The following ZBTB20 variants were observed in gnomAD, a reference collection of about 807,000 sequenced individuals.
ZBTB20 encodes the protein zinc finger and BTB domain-containing protein 20.
ZBTB20 carries 9 observed loss-of-function variants against 56.9 expected under a neutral mutation model. The ratio of observed to expected loss-of-function variants is 0.16; its 90% CI spans 0.10 to 0.28. ZBTB20 has a LOEUF of 0.28. Among genes scored for constraint, ZBTB20 ranks in the 10% least tolerant of loss-of-function variants. ZBTB20 has a pLI of 1.00. For missense variants in ZBTB20, 655 were observed against 1,003.0 expected (o/e 0.65, Z 4.69); for synonymous variants, 417 against 420.7 (o/e 0.99, Z 0.11).
In ZBTB20 at chr3:114,322,442, T is replaced by A. The variant is rs1406135996; in HGVS notation, c.*16563A>T. The A allele has an allele frequency of 1.3e-5, 2 of 152,216 alleles. No homozygotes were observed. Among genetic ancestry groups the A allele is most frequent in the Admixed American group, 6.5e-5 (1 of 15,276 alleles). The allele number at this position is 152,216 out of a possible 1,614,324, so 9.4% of individuals were successfully genotyped here. A position where few individuals can be genotyped will look rare whatever the true frequency, so the allele number is the denominator to read the frequency against. The stretch of plus-strand genomic sequence containing the variant: ...ACCAAAGCATATCCCTTGAGCCTGT[T>A]GTAGTACTTTTTTCTGGGAGAGAGG... On this transcript the variant is annotated 3_prime_UTR_variant, in exon 12 of 12. Transcript: ENST00000675478.
rs1004105025 is a variant in ZBTB20 at position 114,328,296 on chromosome 3, T to C, written c.*10709A>G. On this transcript the variant is annotated 3_prime_UTR_variant, in exon 12 of 12. Transcript: ENST00000675478. ...TTTTCCTACAATGTGTTCAAGTGGA[T>C]GTGGCTTTTCTTGTTTGAGAAGAGC... 9.2e-5 allele frequency: 14 copies of C among 152,294 alleles called. No individual in the cohort carries two copies. The highest frequency in any genetic ancestry group is 3.4e-4 in the African/African-American group (14 of 41,566). The allele number at this position is 152,294 out of a possible 1,614,324, so 9.4% of individuals were successfully genotyped here.
At chr3:115,107,632 C>G (rs538441478) in intron 1 of ZBTB20, among the ~76,000 whole-genome samples, 102 of 152,276 alleles carry the variant, frequency 6.7e-4, no homozygotes, top group Admixed American at 1.2e-3. Context: ...ACCCCACAAT[C>G]CCATTACTGG....
intron 7 of ZBTB20, among the ~76,000 whole-genome samples, chr3:114,442,119 G>A (rs926094036): frequency 6.6e-6 from 1 of 152,006 alleles, no homozygotes; most frequent in Non-Finnish European, 1.5e-5. Flanking sequence ...GGAGGGAAAT[G>A]TCAGTTTCCC....
chr3:114,519,469 G>GA (rs149345598), intron 6 of ZBTB20, among the ~76,000 whole-genome samples: 3,701 of 152,244 alleles, frequency 0.024, 155 homozygotes, highest in African/African-American at 0.084. Context: ...TGCCTTTAGA[G>GA]AGACTGGGCT....
chr3:114,528,349 T>C (rs2047464931), intron 6 of ZBTB20, among the ~76,000 whole-genome samples: 1 of 152,212 alleles, frequency 6.6e-6, no homozygotes, highest in African/African-American at 2.4e-5. Context: ...GGTAAACATG[T>C]TGATTTCATC....
intron 7 of ZBTB20, among the ~76,000 whole-genome samples, chr3:114,486,874 C>T (rs1266050685): frequency 6.6e-6 from 1 of 152,104 alleles, no homozygotes; most frequent in Non-Finnish European, 1.5e-5. Context: ...TGAAATGATT[C>T]TCTGGAGCAT....
At chr3:114,950,161 A>T (rs1381798864) in intron 3 of ZBTB20, among the ~76,000 whole-genome samples, 1 of 152,134 alleles carries the variant, frequency 6.6e-6, no homozygotes, top group African/African-American at 2.4e-5. Flanking sequence ...ATCCATGGGG[A>T]ATACACTCCA....
chr3:114,587,070 C>T (rs2055253751), intron 6 of ZBTB20, among the ~76,000 whole-genome samples: 1 of 138,224 alleles, frequency 7.2e-6, no homozygotes, highest in Non-Finnish European at 1.5e-5. Flanking sequence ...GATCTTGGCT[C>T]ACGGCAACCT....
Position 114,332,634 on chromosome 3 carries a change from A to G in ZBTB20, c.*6371T>C, listed in dbSNP as rs771790760. 3.3e-5 allele frequency: 5 copies of G among 152,234 alleles called. No individual in the cohort carries two copies. Among genetic ancestry groups the G allele is most frequent in the Admixed American group, 6.5e-5 (1 of 15,286 alleles). The allele number at this position is 152,234 out of a possible 1,614,324, so 9.4% of individuals were successfully genotyped here. ...TTGTTTTTGTGATAATGTAACTATT[A>G]AACAGCAAGAAATGCCTATAACTTC... On this transcript the variant is annotated 3_prime_UTR_variant, in exon 12 of 12. Transcript: ENST00000675478.
chr3:114,832,803 A>G (rs1213658019), intron 4 of ZBTB20, among the ~76,000 whole-genome samples: 3 of 152,172 alleles, frequency 2.0e-5, no homozygotes, highest in Non-Finnish European at 4.4e-5. Flanking sequence ...GTACATAAAT[A>G]TTAACGAATA....
intron 3 of ZBTB20, among the ~76,000 whole-genome samples, chr3:114,903,349 T>C (rs1299180083): frequency 2.6e-5 from 4 of 152,064 alleles, no homozygotes; most frequent in Non-Finnish European, 5.9e-5. Context: ...AAGCATTTGA[T>C]AAAAGGGAAC....
chr3:114,647,699 T>C (rs1318201551), intron 6 of ZBTB20, among the ~76,000 whole-genome samples: 1 of 152,208 alleles, frequency 6.6e-6, no homozygotes, highest in East Asian at 1.9e-4. Context: ...ACATATACAA[T>C]GTGTAAGTAC....
intron 7 of ZBTB20, among the ~76,000 whole-genome samples, chr3:114,450,601 T>C (rs530031247): frequency 6.6e-6 from 1 of 152,266 alleles, no homozygotes; most frequent in Non-Finnish European, 1.5e-5. Flanking sequence ...TTAAAGAATG[T>C]AATGGTCATC....
At chr3:114,827,988 T>C (rs1284469786) in intron 4 of ZBTB20, among the ~76,000 whole-genome samples, 1 of 151,732 alleles carries the variant, frequency 6.6e-6, no homozygotes, top group Non-Finnish European at 1.5e-5. Context: ...CTACATTCTA[T>C]TAAACAACCA....
At chr3:115,034,358 C>A (rs1188021922) in intron 2 of ZBTB20, among the ~76,000 whole-genome samples, 1 of 150,916 alleles carries the variant, frequency 6.6e-6, no homozygotes, top group Non-Finnish European at 1.5e-5. Flanking sequence ...CAAAAAAAAA[C>A]CCTGTTAGAA....
intron 1 of ZBTB20, among the ~76,000 whole-genome samples, chr3:115,114,670 T>C (rs922944179): frequency 2.0e-5 from 3 of 152,148 alleles, no homozygotes; most frequent in African/African-American, 4.8e-5. Context: ...GTTTTACAAA[T>C]ACATTGGTTT....
At position 114,903,775 on chromosome 3, in the gene ZBTB20, C is replaced by T. The variant is rs553535688; in HGVS notation, c.-455-3433G>A. On this transcript the variant is annotated intron_variant, in intron 3 of 11. Transcript: ENST00000675478. ...CTCAACTGGAATTGGACCAAGGTGC[C>T]GTGTAATGGTCTTAGCAATCACATG... is the stretch of plus-strand genomic sequence containing the variant. Among the ~76,000 whole-genome samples the T allele has an allele frequency of 1.9e-4, 29 of 151,892 alleles. 1 individual carries two copies. The highest frequency in any genetic ancestry group is 6.2e-4 in the South Asian group (3 of 4,818).
At chr3:114,431,544 T>C (rs934785094) in intron 7 of ZBTB20, among the ~76,000 whole-genome samples, 1 of 152,238 alleles carries the variant, frequency 6.6e-6, no homozygotes. Context: ...ATTTTCTATT[T>C]ATGACATTGT....
At chr3:114,706,438 T>A (rs981936472) in intron 5 of ZBTB20, among the ~76,000 whole-genome samples, 1 of 152,140 alleles carries the variant, frequency 6.6e-6, no homozygotes, top group African/African-American at 2.4e-5. Context: ...GGTGATCACA[T>A]GTGTTCCATG....
Sources: gnomAD v4.1 joint callset for allele counts (sites outside exome capture counted in the v4.1 genomes callset) on GRCh38, gnomAD v4.1.1 for gene constraint, MANE v1.5 for transcripts, NCBI Gene and HGNC (gene_info 2026-07-23, HGNC 2026-07-21) for gene names.